The following MALRD1 variants were observed in gnomAD, a reference collection of about 807,000 sequenced individuals.
The protein encoded by MALRD1 is MAM and LDL receptor class A domain containing 1, also known as MAM and LDL-receptor class A domain-containing protein 1.
In MALRD1, 247 loss-of-function variants were observed where a neutral mutation model predicts 242.1. The observed-to-expected ratio is 1.02, with a 90% CI of 0.92 to 1.13. The LOEUF (loss-of-function observed/expected upper bound fraction) is 1.13, where lower values mean the gene tolerates loss of function less well. MALRD1 is among the 50% of genes most tolerant of loss of function. The probability of loss-of-function intolerance (pLI) is 0.00; values close to 1 mark genes in which losing one functional copy is unlikely to be tolerated. For missense variants in MALRD1, 2,989 were observed against 2,533.1 expected (o/e 1.18, Z -3.86); for synonymous variants, 995 against 866.6 (o/e 1.15, Z -2.60).
intron 29 of MALRD1, among the ~76,000 whole-genome samples, chr10:19,475,142 G>A (rs1046225628): frequency 6.6e-6 from 1 of 152,186 alleles, no homozygotes; most frequent in Non-Finnish European, 1.5e-5. Context: ...CTGGCCGGGC[G>A]CAGTGGCTCA....
intron 12 of MALRD1, among the ~76,000 whole-genome samples, chr10:19,161,673 A>G (rs1025913621): frequency 4.0e-5 from 6 of 151,552 alleles, no homozygotes; most frequent in African/African-American, 1.5e-4. Context: ...TTCTGGGATG[A>G]TGGACAATGT....
chr10:19,490,509 G>GGGGT (rs201367985), intron 29 of MALRD1, among the ~76,000 whole-genome samples: 1 of 74,178 alleles, frequency 1.3e-5, no homozygotes, highest in African/African-American at 6.3e-5. Flanking sequence ...AGTGGGGCGG[G>GGGGT]GGGGGGGCAG....
At chr10:19,692,816 AT>A (rs1458835670) in intron 38 of MALRD1, among the ~76,000 whole-genome samples, 1 of 143,210 alleles carries the variant, frequency 7.0e-6, no homozygotes, top group Non-Finnish European at 1.5e-5. Flanking sequence ...TATATATGAA[AT>A]TTATATATAT....
chr10:19,221,235 G>T lies in MALRD1; in HGVS notation c.2991+11555G>T, dbSNP rs74890295. 4.3e-3 allele frequency among the ~76,000 whole-genome samples: 655 copies of T among 152,122 alleles called. 7 individuals carry two copies. The highest frequency in any genetic ancestry group is 0.015 in the African/African-American group (624 of 41,516). ...AGTAATAAAATGTTTCTGAAGTTAT[G>T]TTGTAAATATCGTAGGACTATGTTT... On this transcript the variant is annotated intron_variant, in intron 18 of 39. Transcript: ENST00000454679.
chr10:19,604,428 A>G lies in MALRD1; in HGVS notation c.5945-3349A>G, dbSNP rs564294634. 7.2e-5 allele frequency among the ~76,000 whole-genome samples: 11 copies of G among 152,308 alleles called. 1 individual carries two copies. In the South Asian group the frequency reaches 1.7e-3, roughly 23 times the overall value. On this transcript the variant is annotated intron_variant, in intron 34 of 39. Transcript: ENST00000454679. ...CCTAATCTATGGCAAAGTTCTAACT[A>G]TCTTTAATTCTGTGAAGTCTGAGAG...
intron 28 of MALRD1, among the ~76,000 whole-genome samples, chr10:19,392,191 C>T (rs973912630): frequency 1.3e-4 from 20 of 152,258 alleles, no homozygotes; most frequent in East Asian, 9.7e-4. Flanking sequence ...ATTCTTAACA[C>T]ACCCCTCTGA....
At chr10:19,493,319 G>A (rs1041702300) in intron 30 of MALRD1, 9 of 151,732 alleles carry the variant, frequency 5.9e-5, no homozygotes, top group African/African-American at 1.9e-4. Context: ...TTCAAGGTTC[G>A]TTTCATATTT....
chr10:19,420,272 C>T (rs1331303291), intron 28 of MALRD1, among the ~76,000 whole-genome samples: 4 of 151,292 alleles, frequency 2.6e-5, no homozygotes, highest in Non-Finnish European at 5.9e-5. Flanking sequence ...AGCAGGTAAT[C>T]GGAATGAGTC....
chr10:19,257,588 G>A, intron 18 of MALRD1, 96 bp from the exon 19 acceptor site: 8 of 938,060 alleles, frequency 8.5e-6, no homozygotes, highest in Non-Finnish European at 1.2e-5. Flanking sequence ...GTTATATTTG[G>A]GTACATTTTA....
At chr10:19,594,749 T>C (rs543038947) in intron 33 of MALRD1, among the ~76,000 whole-genome samples, 5 of 152,220 alleles carry the variant, frequency 3.3e-5, no homozygotes, top group African/African-American at 1.2e-4. Flanking sequence ...AACTAAATAT[T>C]GTATATTCTC....
At chr10:19,733,826 C>G (rs1835388409) in intron 39 of MALRD1, among the ~76,000 whole-genome samples, 1 of 151,730 alleles carries the variant, frequency 6.6e-6, no homozygotes, top group Non-Finnish European at 1.5e-5. Context: ...TTTGTTTTGT[C>G]TAACCTAACT....
intron 36 of MALRD1, among the ~76,000 whole-genome samples, chr10:19,637,563 C>A (rs1840195511): frequency 6.6e-6 from 1 of 152,124 alleles, no homozygotes; most frequent in East Asian, 1.9e-4. Flanking sequence ...GTTGCTGATG[C>A]TGTGTAACTA....
At chr10:19,538,686 T>G (rs2131369946) in intron 32 of MALRD1, among the ~76,000 whole-genome samples, 1 of 152,288 alleles carries the variant, frequency 6.6e-6, no homozygotes, top group African/African-American at 2.4e-5. Flanking sequence ...ACTAACATAT[T>G]TTATTACTCC....
intron 32 of MALRD1, among the ~76,000 whole-genome samples, chr10:19,566,291 C>A (rs1196396003): frequency 2.0e-5 from 3 of 146,492 alleles, no homozygotes; most frequent in African/African-American, 7.7e-5. Flanking sequence ...GCCACCATGC[C>A]TGGCTAATTT....
At chr10:19,212,882 T>A (rs1199760091) in intron 18 of MALRD1, among the ~76,000 whole-genome samples, 2 of 152,084 alleles carry the variant, frequency 1.3e-5, no homozygotes, top group East Asian at 3.9e-4. Context: ...AACAAATGTC[T>A]ACTTTGAAAT....
intron 25 of MALRD1, 70 bp downstream of exon 25, chr10:19,348,088 T>C: frequency 4.0e-6 from 6 of 1,484,750 alleles, no homozygotes; most frequent in Non-Finnish European, 5.4e-6. Flanking sequence ...TAAATTGACA[T>C]ACGGAAAACA....
intron 30 of MALRD1, among the ~76,000 whole-genome samples, chr10:19,492,488 C>T (rs1837535915): frequency 6.6e-6 from 1 of 152,164 alleles, no homozygotes; most frequent in Non-Finnish European, 1.5e-5. Flanking sequence ...TAGATAATCA[C>T]ATCCAAGATG....
chr10:19,620,134 A>G (rs1249966511), intron 36 of MALRD1, among the ~76,000 whole-genome samples: 2 of 152,062 alleles, frequency 1.3e-5, no homozygotes, highest in Non-Finnish European at 2.9e-5. Flanking sequence ...AGAGAAATCA[A>G]AGTGTTAGTT....
intron 30 of MALRD1, 49 bp downstream of exon 30, chr10:19,491,694 C>T (rs1837502064): frequency 6.6e-7 from 1 of 1,526,658 alleles, no homozygotes; most frequent in Non-Finnish European, 8.8e-7. Context: ...AGATATTTTC[C>T]TTCATAAGTA....
Sources: allele counts gnomAD v4.1 joint callset (sites outside exome capture counted in the v4.1 genomes callset), GRCh38; gene constraint gnomAD v4.1.1; transcripts MANE v1.5; gene names NCBI Gene and HGNC (gene_info 2026-07-23, HGNC 2026-07-21).